Variants in INTS1 observed in about 807,000 individuals in gnomAD.
INTS1 encodes integrator complex subunit 1.
Under a neutral mutation model 241.6 loss-of-function variants are expected in INTS1, and 137 were observed. The observed-to-expected ratio is 0.57, with a 90% CI of 0.49 to 0.65. The LOEUF is 0.65. Ranked by LOEUF, INTS1 falls within the 30% of genes least tolerant of loss-of-function variation. The probability of loss-of-function intolerance (pLI) is 0.00; values close to 1 mark genes in which losing one functional copy is unlikely to be tolerated. For missense variants in INTS1, 3,073 were observed against 3,032.2 expected, an observed-to-expected ratio of 1.01 and a Z score of -0.32; for synonymous variants, 1,692 against 1,337.8, an observed-to-expected ratio of 1.26 and a Z score of -5.78.
rs367619121 is a variant in INTS1 at position 1,497,302 on chromosome 7, C to T, written c.1438G>A (p.Val480Met). Reference sequence around the variant, plus strand: ...TTGTTGGTCAGCAGGTCCTGGAACACCATGGCCAGGAACTGGGGCAGAGAG... The same window carrying T: ...TTGTTGGTCAGCAGGTCCTGGAACATCATGGCCAGGAACTGGGGCAGAGAG... ...SELAPKFLAM[V>M]FQDLLTNKDD... Residue 480 changes from valine (V) to methionine (M), a missense_variant, in exon 11 of 48, where the codon GTG becomes ATG. Transcript: ENST00000404767. The surrounding 1 kb of genome is among the most constrained non-coding windows in gnomAD (Gnocchi z 5.3). 24 of 1,612,492 alleles carry T rather than the reference C, an allele frequency of 1.5e-5. No homozygotes were observed. The African/African-American group carries it at 3.1e-4, about 21-fold the overall frequency.
At chr7:1,484,604 G>C (rs992560738) in intron 24 of INTS1, among the ~76,000 whole-genome samples, 1 of 152,228 alleles carries the variant, frequency 6.6e-6, no homozygotes, top group African/African-American at 2.4e-5. Context: ...ATGTGAGCTA[G>C]AGATGCTGAG....
At chr7:1,474,955 G>A (rs1781642388) in intron 39 of INTS1, 117 bp from the exon 40 acceptor site, 4 of 1,352,336 alleles carry the variant, frequency 3.0e-6, no homozygotes, top group Non-Finnish European at 4.0e-6. Context: ...ATGAGCAGAG[G>A]AACTGGCTCC....
At chr7:1,483,533 T>C in intron 26 of INTS1, 1 of 613,766 alleles carries the variant, frequency 1.6e-6, no homozygotes, top group East Asian at 2.8e-5. Context: ...TCCCACCACG[T>C]GGGGATCTCC....
At chr7:1,471,882 G>T (rs772167639) in intron 44 of INTS1, 2 of 586,644 alleles carry the variant, frequency 3.4e-6, no homozygotes, top group Non-Finnish European at 6.1e-6. Context: ...CCATATCCAG[G>T]GTGCTCTTAG....
Position 1,504,304 on chromosome 7 carries a change from C to A in INTS1, c.-42+19G>T. The A allele has an allele frequency of 1.9e-6, 1 of 538,286 alleles. No homozygotes were observed. The highest frequency in any genetic ancestry group is 3.5e-6 in the Non-Finnish European group (1 of 287,108). 33.3% of individuals were successfully genotyped at this position (538,286 alleles called of 1,614,324 possible). A position where few individuals can be genotyped will look rare whatever the true frequency, so the allele number is the denominator to read the frequency against. ...GCTCGCCCGGCAATGAGGAAGCGCC[C>A]AGGCCGCGGCTCACTTACCTCTGGC... On this transcript the variant is annotated intron_variant, in intron 1 of 47. Transcript: ENST00000404767.
intron 24 of INTS1, among the ~76,000 whole-genome samples, 166 bp downstream of exon 24, chr7:1,484,932 T>A (rs565034066): frequency 7.2e-6 from 1 of 138,474 alleles, no homozygotes; most frequent in South Asian, 2.4e-4. Flanking sequence ...CAGGGCAGGG[T>A]CTCTGTGCTG....
intron 18 of INTS1, among the ~76,000 whole-genome samples, chr7:1,488,737 A>C (rs949852085): frequency 4.6e-5 from 7 of 152,134 alleles, no homozygotes; most frequent in African/African-American, 9.7e-5. Context: ...TGGTGCCCTC[A>C]CTGGTGAGAT....
chr7:1,489,284 C>A, intron 18 of INTS1, 60 bp downstream of exon 18: 1 of 1,526,996 alleles, frequency 6.5e-7, no homozygotes, highest in South Asian at 1.2e-5. Context: ...ACAGCCCCAG[C>A]GGAACGAGAC....
rs574697320 is a variant in INTS1, at chr7:1,489,096, G to A, written c.2318+248C>T. On this transcript the variant is annotated intron_variant, in intron 18 of 47. Coordinates refer to ENST00000404767, the MANE Select transcript of INTS1 (RefSeq NM_001080453.3). ...TAAGCGCTGCCCAGAAGAGCTGGGG[G>A]TGCCTGCGGACCTCCCTGCTGGCCT... Among the ~76,000 whole-genome samples the A allele has an allele frequency of 1.9e-3, 284 of 152,282 alleles. 2 individuals carry two copies. Among genetic ancestry groups the A allele is most frequent in the Non-Finnish European group, 2.9e-4 (20 of 68,026 alleles).
chr7:1,485,163 A>G lies in INTS1; in HGVS notation c.3196T>C (p.Tyr1066His). The change falls in exon 24 of 48, where the codon TAC (tyrosine) becomes CAC (histidine). Residue 1066 changes from tyrosine (Y) to histidine (H), a missense_variant. Coordinates refer to ENST00000404767, the MANE Select transcript of INTS1 (RefSeq NM_001080453.3). ...GTGTGCTGGGACAAGTAGATCAGGTAGGCGCTGATGGTCTGGGGATCAGTC... is the reference window on the plus strand; with the variant it reads ...GTGTGCTGGGACAAGTAGATCAGGTGGGCGCTGATGGTCTGGGGATCAGTC... ...METDPQTISA[Y>H]LIYLSQHTPV... is the part of the protein sequence containing the mutation. The G allele has an allele frequency of 6.2e-7, 1 of 1,600,858 alleles. No individual in the cohort carries two copies. The highest frequency in any genetic ancestry group is 8.5e-7 in the Non-Finnish European group (1 of 1,179,626).
chr7:1,479,154 A>G (rs1031057423), intron 31 of INTS1, among the ~76,000 whole-genome samples: 5 of 152,260 alleles, frequency 3.3e-5, no homozygotes, highest in Admixed American at 3.3e-4. Context: ...CAAGTAAAAC[A>G]CAGTCCTAGG....
rs765799889 is a variant in INTS1, at chr7:1,474,260, C to CCAG, written c.5734_5736dup (p.Leu1912dup). On this transcript the variant is annotated inframe_insertion, in exon 41 of 48. Coordinates refer to ENST00000404767, the MANE Select transcript of INTS1 (RefSeq NM_001080453.3). The stretch of plus-strand genomic sequence containing the variant: ...TGCGGCTGCAGCAGCTCCAGCAGGC[C>CCAG]CAGCACGTGCAGGAAGCAGCTCAGG... 1.2e-6 allele frequency: 2 copies of CCAG among 1,607,740 alleles called. No homozygotes were observed. Among genetic ancestry groups the CCAG allele is most frequent in the Non-Finnish European group, 1.7e-6 (2 of 1,178,906 alleles).
chr7:1,472,236 C>A, intron 44 of INTS1, 37 bp downstream of exon 44: 1 of 1,462,410 alleles, frequency 6.8e-7, no homozygotes, highest in Non-Finnish European at 9.4e-7. Context: ...GGACCCAGGG[C>A]GCTGACCTGG....
At chr7:1,483,648 G>T in intron 26 of INTS1, 94 bp downstream of exon 26, 1 of 969,372 alleles carries the variant, frequency 1.0e-6, no homozygotes, top group Non-Finnish European at 1.6e-6. Flanking sequence ...TTCCCGCCCA[G>T]AAGCAAGGCA....
chr7:1,477,624 G>A lies in INTS1; in HGVS notation c.4864C>T (p.Leu1622=), dbSNP rs1432840024. The A allele has an allele frequency of 6.3e-7, 1 of 1,585,390 alleles. No homozygotes were observed. Among genetic ancestry groups the A allele is most frequent in the Non-Finnish European group, 8.6e-7 (1 of 1,167,200 alleles). ...GPSSGLLVDW[L]EMLDPEVVSS... ...ACCACCTCGGGGTCCAGCATTTCCA[G>A]CCAGTCCACTAGGAGGCCTGACGAG... is the stretch of plus-strand genomic sequence containing the variant. The change falls in exon 35 of 48, where the codon CTG becomes TTG. Residue 1622 remains leucine (L), a synonymous_variant. Coordinates refer to ENST00000404767, the MANE Select transcript of INTS1 (RefSeq NM_001080453.3).
In INTS1 at chr7:1,473,192, G is replaced by C. The variant is rs757873260; in HGVS notation, c.5958-8C>G. ...TTGTCGAAGGACAGGTCGCTGGGGA[G>C]AGAAGATGCTTTCACCTGGGAGGAA... On this transcript the variant is annotated splice_polypyrimidine_tract_variant and splice_region_variant and intron_variant, in intron 42 of 47. Coordinates refer to ENST00000404767, the MANE Select transcript of INTS1 (RefSeq NM_001080453.3). The C allele has an allele frequency of 2.2e-5, 35 of 1,593,348 alleles. No homozygotes were observed. Among genetic ancestry groups the C allele is most frequent in the Non-Finnish European group, 3.0e-5 (35 of 1,164,364 alleles).
At chr7:1,472,713 T>C (rs1204910369) in intron 43 of INTS1, among the ~76,000 whole-genome samples, 1 of 151,496 alleles carries the variant, frequency 6.6e-6, no homozygotes, top group Non-Finnish European at 1.5e-5. Context: ...CCGTGTCACC[T>C]CAGGCAGGGA....
chr7:1,478,577 C>A, intron 32 of INTS1, 71 bp from the exon 33 acceptor site: 1 of 1,552,294 alleles, frequency 6.4e-7, no homozygotes. Context: ...TCCAGGGAGG[C>A]CCCACGGTAG....
intron 3 of INTS1, among the ~76,000 whole-genome samples, chr7:1,501,801 C>G (rs2128545503): frequency 6.6e-6 from 1 of 152,302 alleles, no homozygotes; most frequent in East Asian, 1.9e-4. Context: ...TCCCTGATGC[C>G]AACTGAGTCC....
Sources: allele counts gnomAD v4.1 joint callset (sites outside exome capture counted in the v4.1 genomes callset), GRCh38; gene constraint gnomAD v4.1.1; non-coding constraint Gnocchi (gnomAD v3.1); transcripts MANE v1.5; gene names NCBI Gene and HGNC (gene_info 2026-07-23, HGNC 2026-07-21).